The following LRGUK variants were observed in gnomAD, a reference collection of about 807,000 sequenced individuals.
LRGUK encodes leucine rich repeats and guanylate kinase domain containing, also known as leucine-rich repeat and guanylate kinase domain-containing protein.
In LRGUK, 65 loss-of-function variants were observed where a neutral mutation model predicts 76.0. That is an observed-to-expected ratio of 0.85 (90% confidence interval 0.70 to 1.05). The LOEUF is 1.05. LRGUK is among the 50% of genes least tolerant of loss of function. LRGUK has a pLI of 0.00. For missense variants in LRGUK, 758 were observed against 732.8 expected (o/e 1.03, Z -0.40); for synonymous variants, 268 against 265.6 (o/e 1.01, Z -0.09).
At chr7:134,253,499 A>G (rs1053304926) in intron 18 of LRGUK, among the ~76,000 whole-genome samples, 2 of 152,182 alleles carry the variant, frequency 1.3e-5, no homozygotes, top group African/African-American at 4.8e-5. Flanking sequence ...CAGAAATCCT[A>G]TCTATTAAAA....
At chr7:134,197,086 G>A (rs756129090) in exon 13 of LRGUK, 2 of 1,602,462 alleles carry the variant, frequency 1.2e-6, no homozygotes, top group East Asian at 2.2e-5. Context: ...TTGGCAAGCT[G>A]TATTCATATG....
intron 1 of LRGUK, among the ~76,000 whole-genome samples, chr7:134,132,809 T>G (rs958001642): frequency 6.6e-6 from 1 of 152,056 alleles, no homozygotes; most frequent in Non-Finnish European, 1.5e-5. Flanking sequence ...AAGACCTGAG[T>G]GAGAAACATT....
chr7:134,163,324 A>C (rs17167551), intron 6 of LRGUK, 73 bp from the exon 7 acceptor site: 157,241 of 1,402,022 alleles, frequency 0.11, 10,970 homozygotes, highest in East Asian at 0.33. Context: ...TCAGTATCCC[A>C]AATGAAAACT....
At chr7:134,150,189 G>T (rs1327045973) in intron 5 of LRGUK, among the ~76,000 whole-genome samples, 2 of 151,910 alleles carry the variant, frequency 1.3e-5, no homozygotes, top group African/African-American at 4.8e-5. Flanking sequence ...GCAGCAGAAT[G>T]GCATGAACCC....
Position 134,201,501 on chromosome 7 carries a change from CA to C in LRGUK, c.1773del (p.Lys591AsnfsTer2), listed in dbSNP as rs780807946. The C allele has an allele frequency of 2.4e-5, 39 of 1,613,712 alleles. No homozygotes were observed. In the South Asian group the frequency reaches 4.3e-4, roughly 18 times the overall value. On this transcript the variant is annotated frameshift_variant, in exon 15 of 16. Transcript: ENST00000645682. LOFTEE classifies it high-confidence loss of function. Reference sequence around the variant, plus strand: ...TGCAGATGATCTGGATGTTGCCTACCAAAAACTGAGTCAGCTCATTAGAGAA... The same window carrying C: ...TGCAGATGATCTGGATGTTGCCTACCAAAACTGAGTCAGCTCATTAGAGAA...
rs1009645553 is a variant in LRGUK at position 134,134,562 on chromosome 7, G to A, written c.298-2461G>A. ...TTCCCCAAGGAAAAATGGGGACAGCGTGGCTCATCTCCATGTCAATGGCTA... is the reference window on the plus strand; with the variant it reads ...TTCCCCAAGGAAAAATGGGGACAGCATGGCTCATCTCCATGTCAATGGCTA... On this transcript the variant is annotated intron_variant, in intron 1 of 15. Transcript: ENST00000645682. Among the ~76,000 whole-genome samples the A allele has an allele frequency of 6.6e-5, 10 of 152,172 alleles. No homozygotes were observed. The East Asian group carries it at 1.2e-3, about 18-fold the overall frequency.
intron 8 of LRGUK, 83 bp from the exon 9 acceptor site, chr7:134,176,894 C>A: frequency 1.3e-6 from 1 of 776,306 alleles, no homozygotes; most frequent in Non-Finnish European, 2.2e-6. Context: ...GTGAAAGGCC[C>A]AAGCTCATGA....
chr7:134,207,998 G>A (rs1182275732), intron 15 of LRGUK, among the ~76,000 whole-genome samples: 1 of 152,178 alleles, frequency 6.6e-6, no homozygotes, highest in East Asian at 1.9e-4. Flanking sequence ...TGTAACACCA[G>A]CATTGCTAGT....
chr7:134,162,034 A>G (rs894618012), intron 6 of LRGUK, among the ~76,000 whole-genome samples: 1 of 152,174 alleles, frequency 6.6e-6, no homozygotes, highest in East Asian at 1.9e-4. Context: ...GAGGAAGAAG[A>G]CAACATTTCA....
At chr7:134,238,745 C>T (rs1316852254) in intron 16 of LRGUK, among the ~76,000 whole-genome samples, 1 of 152,056 alleles carries the variant, frequency 6.6e-6, no homozygotes, top group Non-Finnish European at 1.5e-5. Flanking sequence ...TACTCTCCTC[C>T]TTTTTCTCTC....
Position 134,181,353 on chromosome 7 carries a change from C to A in LRGUK, c.1215-2381C>A, listed in dbSNP as rs150314363. 2.0e-3 allele frequency among the ~76,000 whole-genome samples: 306 copies of A among 151,674 alleles called. 2 individuals carry two copies. Among genetic ancestry groups the A allele is most frequent in the African/African-American group, 7.0e-3 (292 of 41,440 alleles). On this transcript the variant is annotated intron_variant, in intron 10 of 15. Coordinates refer to ENST00000645682, the Ensembl canonical transcript of LRGUK. ...ATTGTCTTTTGGCATAAAACAAAATCTGATGATAATTTAATTTTCTTTCCC... is the reference window on the plus strand; with the variant it reads ...ATTGTCTTTTGGCATAAAACAAAATATGATGATAATTTAATTTTCTTTCCC...
chr7:134,261,739 T>C (rs1244804376), intron 19 of LRGUK, among the ~76,000 whole-genome samples: 1 of 152,188 alleles, frequency 6.6e-6, no homozygotes, highest in African/African-American at 2.4e-5. Flanking sequence ...TAAAGGACCA[T>C]ATAGTAAATG....
chr7:134,137,036 G>A, exon 2 of LRGUK: 1 of 1,613,008 alleles, frequency 6.2e-7, no homozygotes, highest in Non-Finnish European at 8.5e-7. Context: ...GAATTTGATG[G>A]GGTCCTGAGA....
chr7:134,222,059 C>A, intron 16 of LRGUK, 141 bp downstream of exon 16: 1 of 719,080 alleles, frequency 1.4e-6, no homozygotes, highest in Non-Finnish European at 2.0e-6. Flanking sequence ...GATTTTGACT[C>A]TTTGTACATC....
chr7:134,227,152 G>A (rs1445946940), intron 16 of LRGUK, among the ~76,000 whole-genome samples: 1 of 152,138 alleles, frequency 6.6e-6, no homozygotes, highest in East Asian at 1.9e-4. Context: ...GGTACCAGAG[G>A]CCACTTATTC....
intron 6 of LRGUK, among the ~76,000 whole-genome samples, chr7:134,161,874 A>G (rs1160385472): frequency 6.6e-6 from 1 of 151,370 alleles, no homozygotes; most frequent in Non-Finnish European, 1.5e-5. Context: ...GTATTTTTTT[A>G]GTAGAGACGG....
chr7:134,230,129 C>T (rs1409378014), intron 16 of LRGUK, among the ~76,000 whole-genome samples: 1 of 152,000 alleles, frequency 6.6e-6, no homozygotes, highest in Non-Finnish European at 1.5e-5. Context: ...TTTGCCGTAA[C>T]TATAACCAAC....
chr7:134,260,993 A>G (rs957146675), intron 19 of LRGUK, among the ~76,000 whole-genome samples: 1 of 152,218 alleles, frequency 6.6e-6, no homozygotes, highest in Non-Finnish European at 1.5e-5. Context: ...TGAAAGCACC[A>G]TGAGATTTCC....
intron 16 of LRGUK, among the ~76,000 whole-genome samples, chr7:134,222,773 T>G (rs1801634240): frequency 6.6e-6 from 1 of 152,086 alleles, no homozygotes; most frequent in African/African-American, 2.4e-5. Context: ...CATGCCTAGC[T>G]AATTTTGTAT....
Sources: gnomAD v4.1 joint callset for allele counts (sites outside exome capture counted in the v4.1 genomes callset) on GRCh38, gnomAD v4.1.1 for gene constraint, MANE v1.5 for transcripts, NCBI Gene and HGNC (gene_info 2026-07-23, HGNC 2026-07-21) for gene names.